Variants in SLC25A26 observed in about 807,000 individuals in gnomAD.
SLC25A26 encodes the protein mitochondrial S-adenosylmethionine carrier protein.
In SLC25A26, 36 loss-of-function variants were observed where a neutral mutation model predicts 37.8. The observed-to-expected ratio is 0.95, with a 90% CI of 0.73 to 1.26. The LOEUF (loss-of-function observed/expected upper bound fraction) is 1.26, where lower values mean the gene tolerates loss of function less well. Ranked by LOEUF, SLC25A26 falls within the 50% of genes most tolerant of loss-of-function variation. SLC25A26 has a pLI of 0.00. For synonymous variants in SLC25A26, 129 were observed against 122.5 expected (o/e 1.05, Z -0.35); for missense variants, 390 against 331.1 (o/e 1.18, Z -1.38).
At chr3:66,157,035 C>T (rs36163098) in intron 1 of SLC25A26, among the ~76,000 whole-genome samples, 5,789 of 152,090 alleles carry the variant, frequency 0.038, 176 homozygotes, top group Middle Eastern at 0.058. Flanking sequence ...GAGTTCAAGA[C>T]CAGCCTGGAC....
chr3:66,189,953 C>A (rs2106786380), intron 1 of SLC25A26, among the ~76,000 whole-genome samples: 1 of 152,274 alleles, frequency 6.6e-6, no homozygotes, highest in Non-Finnish European at 1.5e-5. Flanking sequence ...GAGTGAGCCA[C>A]TGCACCCAGC....
chr3:66,318,593 C>G (rs556741709), intron 5 of SLC25A26, among the ~76,000 whole-genome samples: 12 of 152,142 alleles, frequency 7.9e-5, no homozygotes, highest in African/African-American at 2.9e-4. Context: ...TCAGTGGAAG[C>G]CACAGAGCAG....
intron 1 of SLC25A26, among the ~76,000 whole-genome samples, chr3:66,145,927 T>A (rs1576594025): frequency 6.6e-6 from 1 of 152,234 alleles, no homozygotes; most frequent in African/African-American, 2.4e-5. Flanking sequence ...TCTACAAACA[T>A]AAAGTTAACT....
At chr3:66,237,973 T>G (rs1184311719) in intron 2 of SLC25A26, among the ~76,000 whole-genome samples, 1 of 152,248 alleles carries the variant, frequency 6.6e-6, no homozygotes, top group African/African-American at 2.4e-5. Flanking sequence ...TTTTTTCTCC[T>G]GCCCTTCCCC....
At chr3:66,354,173 A>G (rs1029005855) in intron 6 of SLC25A26, among the ~76,000 whole-genome samples, 2 of 141,852 alleles carry the variant, frequency 1.4e-5, no homozygotes, top group South Asian at 2.2e-4. Flanking sequence ...TTTTTTTTCT[A>G]TTTTCTTAGT....
intron 5 of SLC25A26, among the ~76,000 whole-genome samples, chr3:66,298,503 A>G (rs2074975427): frequency 6.6e-6 from 1 of 152,172 alleles, no homozygotes. Context: ...TTCAAAACTG[A>G]TGATTTGTAA....
chr3:66,217,473 T>C (rs2071378673), upstream of SLC25A26, among the ~76,000 whole-genome samples: 1 of 152,134 alleles, frequency 6.6e-6, no homozygotes, highest in South Asian at 2.1e-4. Flanking sequence ...AAACTTTCTG[T>C]GCATATATTA....
intron 6 of SLC25A26, among the ~76,000 whole-genome samples, chr3:66,356,623 G>A (rs1332492055): frequency 6.6e-6 from 1 of 151,910 alleles, no homozygotes; most frequent in African/African-American, 2.4e-5. Context: ...AGGATATGTG[G>A]GAACTTTATT....
chr3:66,236,504 C>T, intron 1 of SLC25A26, 40 bp from the exon 2 acceptor site: 2 of 1,420,296 alleles, frequency 1.4e-6, no homozygotes, highest in Non-Finnish European at 1.9e-6. Flanking sequence ...TTTGTTGTAA[C>T]CTTTTTTTTT....
In SLC25A26 at chr3:66,251,187, G is replaced by C. The variant is rs898957178; in HGVS notation, c.300+7875G>C. 8.5e-5 allele frequency among the ~76,000 whole-genome samples: 13 copies of C among 152,082 alleles called. No individual in the cohort carries two copies. The East Asian group carries it at 2.5e-3, about 29-fold the overall frequency. ...GGCTGAGAGCTATAGGGCCTTGCCT[G>C]CTATAGTAAGGAGTTGGGACTTTTT... On this transcript the variant is annotated intron_variant, in intron 3 of 9. Coordinates refer to ENST00000354883, the MANE Select transcript of SLC25A26 (RefSeq NM_001379210.1).
chr3:66,292,127 A>G (rs1328439856), intron 5 of SLC25A26, among the ~76,000 whole-genome samples: 5 of 151,498 alleles, frequency 3.3e-5, no homozygotes, highest in Non-Finnish European at 5.9e-5. Flanking sequence ...GCAACCGCTG[A>G]TTTTTTTTGG....
intron 1 of SLC25A26, among the ~76,000 whole-genome samples, chr3:66,210,054 C>T (rs1226892872): frequency 6.7e-6 from 1 of 148,398 alleles, no homozygotes; most frequent in Non-Finnish European, 1.5e-5. Context: ...CTTCCTGATG[C>T]ACATCAGCTT....
At chr3:66,140,815 T>G (rs2070022233) in intron 1 of SLC25A26, among the ~76,000 whole-genome samples, 1 of 152,178 alleles carries the variant, frequency 6.6e-6, no homozygotes, top group Admixed American at 6.5e-5. Context: ...GCCAGCCCTT[T>G]TAACAACTGC....
intron 9 of SLC25A26, among the ~76,000 whole-genome samples, chr3:66,377,291 C>G (rs1489921229): frequency 1.3e-5 from 2 of 152,110 alleles, no homozygotes; most frequent in African/African-American, 2.4e-5. Flanking sequence ...AGGTTCAACT[C>G]GTTGTCGTGA....
intron 5 of SLC25A26, among the ~76,000 whole-genome samples, chr3:66,312,280 T>C (rs2075401432): frequency 6.6e-6 from 1 of 152,208 alleles, no homozygotes; most frequent in South Asian, 2.1e-4. Flanking sequence ...TTGTTTACAC[T>C]GTGAGGGGAA....
At chr3:66,253,019 T>G (rs978164771) in intron 3 of SLC25A26, among the ~76,000 whole-genome samples, 1 of 60,018 alleles carries the variant, frequency 1.7e-5, no homozygotes, top group African/African-American at 6.6e-5. Flanking sequence ...ATAGGCAAAA[T>G]AATGCCCCCC....
intron 9 of SLC25A26, among the ~76,000 whole-genome samples, chr3:66,373,545 C>G (rs988593055): frequency 2.0e-5 from 3 of 152,128 alleles, no homozygotes; most frequent in African/African-American, 7.2e-5. Context: ...TCGGCATCTG[C>G]TGGCCGCCTG....
intron 5 of SLC25A26, chr3:66,293,136 A>G (rs1203929730): frequency 6.6e-6 from 1 of 151,930 alleles, no homozygotes; most frequent in Non-Finnish European, 1.5e-5. Context: ...AGCTTCACGA[A>G]TTTGCATGTC....
intron 5 of SLC25A26, among the ~76,000 whole-genome samples, chr3:66,281,358 A>G (rs1295089144): frequency 1.3e-5 from 2 of 152,200 alleles, no homozygotes; most frequent in Non-Finnish European, 2.9e-5. Flanking sequence ...TATTTTGAGA[A>G]CAAGTGATTA....
Sources: allele counts gnomAD v4.1 joint callset (sites outside exome capture counted in the v4.1 genomes callset), GRCh38; gene constraint gnomAD v4.1.1; transcripts MANE v1.5; gene names NCBI Gene and HGNC (gene_info 2026-07-23, HGNC 2026-07-21).